The following UNC13C variants were observed in gnomAD, a reference collection of about 807,000 sequenced individuals.
The protein encoded by UNC13C is unc-13 homolog C, also known as protein unc-13 homolog C.
In UNC13C, 174 loss-of-function variants were observed where a neutral mutation model predicts 245.4. The ratio of observed to expected loss-of-function variants is 0.71; its 90% confidence interval spans 0.63 to 0.80. The LOEUF (loss-of-function observed/expected upper bound fraction) is 0.80. UNC13C is among the 30% of genes least tolerant of loss of function. The pLI is 0.00. For synonymous variants in UNC13C, 992 were observed against 895.1 expected (o/e 1.11, Z -1.93); for missense variants, 2,829 against 2,602.9 (o/e 1.09, Z -1.89).
intron 19 of UNC13C, among the ~76,000 whole-genome samples, chr15:54,428,534 A>C (rs1405884888): frequency 2.0e-5 from 3 of 151,532 alleles, no homozygotes; most frequent in Admixed American, 6.6e-5. Flanking sequence ...AGCCACCCTC[A>C]ATCTATCAGC....
intron 2 of UNC13C, among the ~76,000 whole-genome samples, chr15:54,108,217 C>T (rs967174523): frequency 6.6e-6 from 1 of 151,848 alleles, no homozygotes; most frequent in Non-Finnish European, 1.5e-5. Context: ...AACAGAGTCT[C>T]GCTCTGTCGC....
At chr15:54,547,440 T>C (rs913299033) in intron 27 of UNC13C, among the ~76,000 whole-genome samples, 3 of 152,192 alleles carry the variant, frequency 2.0e-5, no homozygotes, top group Admixed American at 6.5e-5. Flanking sequence ...TCACATATCC[T>C]GAGCCAAACA....
At chr15:54,596,377 TTA>T (rs1899084541) in intron 30 of UNC13C, among the ~76,000 whole-genome samples, 1 of 152,118 alleles carries the variant, frequency 6.6e-6, no homozygotes, top group African/African-American at 2.4e-5. Context: ...TTTGTTGTTT[TTA>T]CTTTTGTGGG....
At chr15:54,017,764 C>T (rs1454632595) in intron 2 of UNC13C, among the ~76,000 whole-genome samples, 1 of 152,150 alleles carries the variant, frequency 6.6e-6, no homozygotes, top group Non-Finnish European at 1.5e-5. Context: ...GGAATACACA[C>T]ATGCTCTTGG....
At chr15:54,090,852 G>A (rs376671520) in intron 2 of UNC13C, among the ~76,000 whole-genome samples, 3 of 152,256 alleles carry the variant, frequency 2.0e-5, no homozygotes, top group East Asian at 3.9e-4. Context: ...CATTAATGTG[G>A]CTCTGTCCCT....
At chr15:54,051,077 C>G (rs1897250190) in intron 2 of UNC13C, among the ~76,000 whole-genome samples, 1 of 152,090 alleles carries the variant, frequency 6.6e-6, no homozygotes, top group Non-Finnish European at 1.5e-5. Context: ...GATTTTTATA[C>G]TCTTTTATTG....
intron 2 of UNC13C, among the ~76,000 whole-genome samples, chr15:54,138,436 TG>T (rs1345918896): frequency 1.3e-5 from 2 of 152,172 alleles, no homozygotes; most frequent in Non-Finnish European, 2.9e-5. Flanking sequence ...TAACTGTTTT[TG>T]TTTTTACATA....
At chr15:54,383,974 GA>G (rs1394574059) in intron 17 of UNC13C, among the ~76,000 whole-genome samples, 1 of 151,998 alleles carries the variant, frequency 6.6e-6, no homozygotes, top group Non-Finnish European at 1.5e-5. Flanking sequence ...CCTCTACAAG[GA>G]AAACTGCAAA....
chr15:54,417,026 C>G, intron 19 of UNC13C: 1 of 454,660 alleles, frequency 2.2e-6, no homozygotes, highest in Non-Finnish European at 4.4e-6. Context: ...ACCGCATTAT[C>G]TGTAGTAGCT....
At chr15:54,358,719 T>A (rs2039156840) in intron 17 of UNC13C, among the ~76,000 whole-genome samples, 1 of 151,968 alleles carries the variant, frequency 6.6e-6, no homozygotes. Context: ...TTTTGTGGAG[T>A]CTTTGGGATT....
intron 30 of UNC13C, chr15:54,611,503 AGAG>A (rs1900091619): frequency 6.6e-6 from 1 of 152,174 alleles, no homozygotes; most frequent in Admixed American, 6.5e-5. Context: ...CACCTAAAGA[AGAG>A]AAGGTCCATC....
chr15:54,462,573 G>A (rs186039316), intron 19 of UNC13C, among the ~76,000 whole-genome samples: 42 of 152,324 alleles, frequency 2.8e-4, no homozygotes, highest in South Asian at 6.2e-4. Flanking sequence ...CCCCGGCCCC[G>A]GGGAGTGAGG....
intron 18 of UNC13C, among the ~76,000 whole-genome samples, chr15:54,408,212 A>G (rs1053019258): frequency 6.9e-6 from 1 of 145,144 alleles, no homozygotes; most frequent in African/African-American, 2.6e-5. Context: ...AAAAAAAAAA[A>G]AAAAAAAAAA....
chr15:54,339,640 G>GATATATATATATATAT (rs61353129), intron 17 of UNC13C, among the ~76,000 whole-genome samples: 2 of 149,586 alleles, frequency 1.3e-5, no homozygotes, highest in African/African-American at 5.0e-5. Flanking sequence ...ATTATGTGGA[G>GATATATATATATATAT]ATATATATAT....
At chr15:54,479,898 A>G (rs998825183) in intron 19 of UNC13C, among the ~76,000 whole-genome samples, 2 of 152,082 alleles carry the variant, frequency 1.3e-5, no homozygotes, top group African/African-American at 4.8e-5. Flanking sequence ...CTTGCCTTTC[A>G]GATTCGAATA....
At position 54,403,112 on chromosome 15, in the gene UNC13C, C is replaced by T. The variant is rs185187936; in HGVS notation, c.4847+9931C>T. Among the ~76,000 whole-genome samples, 9 of 152,304 alleles carry T rather than the reference C, an allele frequency of 5.9e-5. No individual in the cohort carries two copies. In the East Asian group the frequency reaches 1.5e-3, roughly 26 times the overall value. On this transcript the variant is annotated intron_variant, in intron 18 of 32. Coordinates refer to ENST00000260323, the MANE Select transcript of UNC13C (RefSeq NM_001080534.3). ...GTACCAGGTCTTGCAGTTCGAGAAA[C>T]AGTTATCTAAACTCAGTAAATTCTG... is the stretch of plus-strand genomic sequence containing the variant.
At chr15:53,877,535 A>G in the UNC13C span, among the ~76,000 whole-genome samples, 1 of 152,008 alleles carries the variant, frequency 6.6e-6, no homozygotes, top group Non-Finnish European at 1.5e-5. Context: ...GAGAGAAACT[A>G]GGTTAAATAG....
intron 1 of UNC13C, among the ~76,000 whole-genome samples, chr15:53,986,940 T>C (rs1332243524): frequency 6.6e-6 from 1 of 152,040 alleles, no homozygotes; most frequent in African/African-American, 2.4e-5. Context: ...CAAACATTAA[T>C]GAACAATTAA....
chr15:54,494,317 A>G (rs1186126731), intron 19 of UNC13C, among the ~76,000 whole-genome samples: 1 of 152,138 alleles, frequency 6.6e-6, no homozygotes, highest in Non-Finnish European at 1.5e-5. Context: ...ATAAACAGAA[A>G]TTTTAGTATG....
Sources: allele counts gnomAD v4.1 joint callset (sites outside exome capture counted in the v4.1 genomes callset), GRCh38; gene constraint gnomAD v4.1.1; transcripts MANE v1.5; gene names NCBI Gene and HGNC (gene_info 2026-07-23, HGNC 2026-07-21).